The following TRABD2B variants were observed in gnomAD, a reference collection of about 807,000 sequenced individuals.
TRABD2B encodes the protein metalloprotease TIKI2.
Under a neutral mutation model 40.1 loss-of-function variants are expected in TRABD2B, and 14 were observed. The observed-to-expected ratio is 0.35, with a 90% confidence interval of 0.23 to 0.55. TRABD2B has a LOEUF of 0.55. Ranked by LOEUF, TRABD2B falls within the 20% of genes least tolerant of loss-of-function variation. The probability of loss-of-function intolerance (pLI) is 0.90; values close to 1 mark genes in which losing one functional copy is unlikely to be tolerated. For missense variants in TRABD2B, 541 were observed against 648.6 expected (o/e 0.83, Z 1.80); for synonymous variants, 263 against 277.0 (o/e 0.95, Z 0.50).
At chr1:47,970,114 A>G (rs1309152331) in intron 2 of TRABD2B, among the ~76,000 whole-genome samples, 1 of 152,026 alleles carries the variant, frequency 6.6e-6, no homozygotes, top group Non-Finnish European at 1.5e-5. Context: ...TAAACGGATG[A>G]CTTATCAGAG....
In TRABD2B at chr1:47,915,828, T is replaced by C. The variant is rs544255229; in HGVS notation, c.666+78206A>G. ...TGTGCCGGACCCTGGGAGCTGAACA[T>C]GCAGGGTAAGCCCTGTCGTGCCCCC... On this transcript the variant is annotated intron_variant, in intron 2 of 6. Transcript: ENST00000606738. Among the ~76,000 whole-genome samples, 240 of 152,226 alleles carry C rather than the reference T, an allele frequency of 1.6e-3. 1 individual carries two copies. Among genetic ancestry groups the C allele is most frequent in the Middle Eastern group, 6.8e-3 (2 of 292 alleles).
intron 2 of TRABD2B, among the ~76,000 whole-genome samples, chr1:47,932,176 T>G (rs1645048246): frequency 6.6e-6 from 1 of 152,202 alleles, no homozygotes; most frequent in Non-Finnish European, 1.5e-5. Flanking sequence ...GGGTAGAGAC[T>G]GCTCCAATTT....
At chr1:47,962,152 G>C (rs1645527606) in intron 2 of TRABD2B, among the ~76,000 whole-genome samples, 1 of 142,426 alleles carries the variant, frequency 7.0e-6, no homozygotes, top group Non-Finnish European at 1.5e-5. Flanking sequence ...TCATAGGTGG[G>C]AATTGAACAA....
chr1:47,778,029 G>C (rs1644471508), intron 5 of TRABD2B, among the ~76,000 whole-genome samples: 1 of 152,188 alleles, frequency 6.6e-6, no homozygotes, highest in Admixed American at 6.5e-5. Flanking sequence ...TGAGGACCAG[G>C]AGTGGGTGGG....
At chr1:47,841,399 C>T (rs1381978501) in intron 2 of TRABD2B, among the ~76,000 whole-genome samples, 1 of 152,248 alleles carries the variant, frequency 6.6e-6, no homozygotes, top group Non-Finnish European at 1.5e-5. Context: ...TCACCTGTTC[C>T]TATATCTGCA....
intron 2 of TRABD2B, among the ~76,000 whole-genome samples, chr1:47,810,510 C>A (rs1025128620): frequency 9.2e-5 from 14 of 152,144 alleles, no homozygotes; most frequent in Admixed American, 2.0e-4. Flanking sequence ...GCAGAGCAGG[C>A]CTGATAGGTT....
intron 2 of TRABD2B, among the ~76,000 whole-genome samples, chr1:47,875,389 TAAG>T (rs746916805): frequency 1.5e-4 from 23 of 151,508 alleles, no homozygotes; most frequent in Non-Finnish European, 2.8e-4. Flanking sequence ...TCTCTTAAGC[TAAG>T]AAGGACAAAG....
intron 2 of TRABD2B, among the ~76,000 whole-genome samples, chr1:47,893,704 G>A (rs1276638142): frequency 6.6e-6 from 1 of 152,182 alleles, no homozygotes; most frequent in Admixed American, 6.5e-5. Flanking sequence ...TTGATTAAAT[G>A]CACAGTCGCT....
At chr1:47,875,274 T>C (rs748765758) in intron 2 of TRABD2B, among the ~76,000 whole-genome samples, 6 of 151,702 alleles carry the variant, frequency 4.0e-5, no homozygotes, top group Non-Finnish European at 8.8e-5. Flanking sequence ...GAAAATTTCC[T>C]ACCACAATAG....
chr1:47,933,523 T>C (rs570327645), intron 2 of TRABD2B, among the ~76,000 whole-genome samples: 2 of 152,272 alleles, frequency 1.3e-5, no homozygotes, highest in South Asian at 4.2e-4. Context: ...CTTTATATCT[T>C]TGGGAATGCT....
intron 2 of TRABD2B, among the ~76,000 whole-genome samples, chr1:47,886,720 G>A (rs768996744): frequency 9.2e-5 from 14 of 152,244 alleles, no homozygotes; most frequent in Non-Finnish European, 1.8e-4. Context: ...TCACTGCCAG[G>A]CCCTGTGTTA....
At chr1:47,959,587 T>C (rs980973426) in intron 2 of TRABD2B, among the ~76,000 whole-genome samples, 2 of 152,198 alleles carry the variant, frequency 1.3e-5, no homozygotes, top group Non-Finnish European at 2.9e-5. Flanking sequence ...TAAATACCTC[T>C]ATGCAAATAA....
At chr1:47,934,450 G>A (rs1180088228) in intron 2 of TRABD2B, among the ~76,000 whole-genome samples, 8 of 152,280 alleles carry the variant, frequency 5.3e-5, no homozygotes, top group East Asian at 3.8e-4. Flanking sequence ...TCTGGGGGCA[G>A]AGGCTGAGTG....
intron 2 of TRABD2B, among the ~76,000 whole-genome samples, chr1:47,867,523 G>T (rs1164080123): frequency 6.6e-6 from 1 of 152,168 alleles, no homozygotes; most frequent in Non-Finnish European, 1.5e-5. Flanking sequence ...AGGACAGAGG[G>T]AGTGAAGAAA....
At chr1:47,964,424 A>T (rs1645568824) in intron 2 of TRABD2B, among the ~76,000 whole-genome samples, 1 of 152,150 alleles carries the variant, frequency 6.6e-6, no homozygotes, top group African/African-American at 2.4e-5. Context: ...CACTGTATAA[A>T]CATCGTTTCC....
chr1:47,772,149 C>G (rs190849670), intron 6 of TRABD2B, among the ~76,000 whole-genome samples: 1 of 152,128 alleles, frequency 6.6e-6, no homozygotes, highest in East Asian at 1.9e-4. Flanking sequence ...TCAGGCAGGT[C>G]TGCCTGACTC....
intron 2 of TRABD2B, among the ~76,000 whole-genome samples, chr1:47,916,139 C>T (rs1265336940): frequency 6.7e-6 from 1 of 150,122 alleles, no homozygotes; most frequent in Non-Finnish European, 1.5e-5. Flanking sequence ...CTCCTCACTC[C>T]TCACTAGCTG....
chr1:47,898,037 A>T (rs1004933957), intron 2 of TRABD2B, among the ~76,000 whole-genome samples: 1 of 152,210 alleles, frequency 6.6e-6, no homozygotes, highest in African/African-American at 2.4e-5. Flanking sequence ...TCACTCCAAC[A>T]ACACAGGTTG....
At position 47,877,547 on chromosome 1, in the gene TRABD2B, A is replaced by G. The variant is rs191144529; in HGVS notation, c.667-75928T>C. ...GGAAACCATCTGAAAGCATCTCGCC[A>G]TCTCTATTAAAAACCTTAAAAATGT... On this transcript the variant is annotated intron_variant, in intron 2 of 6. Coordinates refer to ENST00000606738, the MANE Select transcript of TRABD2B (RefSeq NM_001194986.2). Among the ~76,000 whole-genome samples the G allele has an allele frequency of 5.3e-5, 8 of 152,308 alleles. No homozygotes were observed. The East Asian group carries it at 1.5e-3, about 29-fold the overall frequency.
Sources: gnomAD v4.1 joint callset for allele counts (sites outside exome capture counted in the v4.1 genomes callset) on GRCh38, gnomAD v4.1.1 for gene constraint, MANE v1.5 for transcripts, NCBI Gene and HGNC (gene_info 2026-07-23, HGNC 2026-07-21) for gene names.